SHISAL2A: variants seen among roughly 807,000 people sequenced by gnomAD.
SHISAL2A encodes protein shisa-like-2A.
Under a neutral mutation model 11.5 loss-of-function variants are expected in SHISAL2A, and 18 were observed. The ratio of observed to expected loss-of-function variants is 1.57; its 90% CI spans 1.08 to 2.33. SHISAL2A has a LOEUF of 2.33. Among genes scored for constraint, SHISAL2A ranks in the 30% most tolerant of loss-of-function variants. The probability of loss-of-function intolerance (pLI) is 0.00; values close to 1 mark genes in which losing one functional copy is unlikely to be tolerated. For synonymous variants in SHISAL2A, 94 were observed against 99.6 expected (o/e 0.94, Z 0.34); for missense variants, 261 against 250.9 (o/e 1.04, Z -0.27).
chr1:52,642,765 C>G (rs1691395622), intron 1 of SHISAL2A, 98 bp from the exon 2 acceptor site: 2 of 1,233,680 alleles, frequency 1.6e-6, no homozygotes, highest in East Asian at 2.4e-5. Context: ...CATTTTCTTC[C>G]CAGCAGGCTC....
At chr1:52,646,011 A>C (rs1691492772) in intron 2 of SHISAL2A, among the ~76,000 whole-genome samples, 1 of 152,228 alleles carries the variant, frequency 6.6e-6, no homozygotes. Context: ...TAAAAATATA[A>C]GTTTTGTGAT....
In SHISAL2A at chr1:52,633,517, C is replaced by T. The variant is rs1343858045; in HGVS notation, c.24C>T (p.Tyr8=). 1.3e-6 allele frequency: 2 copies of T among 1,575,998 alleles called. No individual in the cohort carries two copies. Among genetic ancestry groups the T allele is most frequent in the Non-Finnish European group, 1.7e-6 (2 of 1,164,546 alleles). MSGACTS[Y]VSAEQEVVRG... is the part of the protein sequence containing the mutation. ...CGATGAGCGGCGCCTGCACGAGCTA[C>T]GTGAGCGCAGAGCAGGAGGTGGTGC... The change falls in exon 1 of 3, where the codon TAC becomes TAT. Residue 8 remains tyrosine, a synonymous_variant. Transcript: ENST00000517870. This position sits in a 1 kb window ranked among gnomAD's most constrained non-coding sequence, Gnocchi z 6.4.
At chr1:52,667,995 C>T (rs1369208969) in intron 5 of SHISAL2A, among the ~76,000 whole-genome samples, 1 of 152,090 alleles carries the variant, frequency 6.6e-6, no homozygotes, top group Non-Finnish European at 1.5e-5. Context: ...ATGGTCACCC[C>T]GGGAGTAAAT....
intron 1 of SHISAL2A, among the ~76,000 whole-genome samples, chr1:52,638,613 G>A (rs1464115371): frequency 6.6e-6 from 1 of 152,180 alleles, no homozygotes; most frequent in Non-Finnish European, 1.5e-5. Context: ...CACTGGTAGA[G>A]GATAAGAAAG....
At chr1:52,646,124 G>A (rs1691495889) in intron 2 of SHISAL2A, among the ~76,000 whole-genome samples, 1 of 152,146 alleles carries the variant, frequency 6.6e-6, no homozygotes. Context: ...AAACATTTTT[G>A]GTTGTCACAT....
downstream of SHISAL2A, among the ~76,000 whole-genome samples, chr1:52,660,277 T>C (rs1331566351): frequency 1.3e-5 from 2 of 151,950 alleles, no homozygotes; most frequent in Middle Eastern, 3.4e-3. Flanking sequence ...ACATGCTGCT[T>C]TTGCTGACCT....
At chr1:52,644,221 G>A (rs1169249242) in intron 2 of SHISAL2A, among the ~76,000 whole-genome samples, 1 of 150,928 alleles carries the variant, frequency 6.6e-6, no homozygotes, top group Non-Finnish European at 1.5e-5. Context: ...TTTCAAACAG[G>A]GAAGGATACT....
chr1:52,657,035 C>G lies in SHISAL2A; in HGVS notation c.568C>G (p.Pro190Ala). 6.3e-7 allele frequency: 1 copy of G among 1,591,214 alleles called. No individual in the cohort carries two copies. The highest frequency in any genetic ancestry group is 1.3e-5 in the African/African-American group (1 of 74,242). The change falls in exon 3 of 3, where the codon CCA becomes GCA. Residue 190 changes from proline (P) to alanine (A), a missense_variant. Physicochemically the swap from Pro to Ala is conservative, Grantham distance 27. Coordinates refer to ENST00000517870, the MANE Select transcript of SHISAL2A (RefSeq NM_001042693.3). ...CAACCCTGACCTATGTGGACCAGTCCCATAAACATTCAATAAATGTCTCCA... is the reference window on the plus strand; with the variant it reads ...CAACCCTGACCTATGTGGACCAGTCGCATAAACATTCAATAAATGTCTCCA... ...VPNPDLCGPV[P>A]
At position 52,656,801 on chromosome 1, in the gene SHISAL2A, G is replaced by T. The variant is rs774402161; in HGVS notation, c.334G>T (p.Val112Phe). The T allele has an allele frequency of 1.9e-6, 3 of 1,609,840 alleles. No individual in the cohort carries two copies. In the African/African-American group the frequency reaches 4.0e-5, roughly 22 times the overall value. ...LSLQTAGPEE[V>F]SPDCQGVNTG... is the part of the protein sequence containing the mutation. ...TTGCTGTTTTCCAGGCCCTGAGGAG[G>T]TTTCTCCTGACTGCCAAGGTGTGAA... is the stretch of plus-strand genomic sequence containing the variant. The change falls in exon 3 of 3, where the codon GTT (valine) becomes TTT (phenylalanine). Residue 112 changes from valine (V) to phenylalanine (F), a missense_variant. Coordinates refer to ENST00000517870, the MANE Select transcript of SHISAL2A (RefSeq NM_001042693.3).
intron 1 of SHISAL2A, among the ~76,000 whole-genome samples, chr1:52,638,091 T>G (rs1286110666): frequency 6.6e-6 from 1 of 152,192 alleles, no homozygotes; most frequent in African/African-American, 2.4e-5. Flanking sequence ...CTTTGGAGCC[T>G]GCCCTGTTGT....
At chr1:52,658,350 CTT>C (rs1281362397), downstream of SHISAL2A, among the ~76,000 whole-genome samples, 1 of 152,156 alleles carries the variant, frequency 6.6e-6, no homozygotes, top group Non-Finnish European at 1.5e-5. Flanking sequence ...TGTTAAAAGA[CTT>C]TTTAAATGAC....
downstream of SHISAL2A, among the ~76,000 whole-genome samples, chr1:52,661,120 A>G (rs1400346839): frequency 6.6e-6 from 1 of 152,208 alleles, no homozygotes; most frequent in Admixed American, 6.5e-5. Flanking sequence ...GAATGGTGAA[A>G]GATGAAGCTG....
At chr1:52,642,769 C>A in intron 1 of SHISAL2A, 94 bp from the exon 2 acceptor site, 3 of 1,256,562 alleles carry the variant, frequency 2.4e-6, no homozygotes, top group South Asian at 1.3e-5. Flanking sequence ...TTCTTCCCAG[C>A]AGGCTCATTC....
downstream of SHISAL2A, among the ~76,000 whole-genome samples, chr1:52,661,811 A>G (rs977795809): frequency 6.6e-6 from 1 of 152,034 alleles, no homozygotes; most frequent in East Asian, 1.9e-4. Flanking sequence ...GAGGGCGGAT[A>G]ACCTGAGGTC....
In SHISAL2A at chr1:52,633,262, C is replaced by A; in HGVS notation, c.-232C>A. ...AGCCGTCACTCCCGCCGCCGGCCCC[C>A]GCCGCCCGCCCCGCCTGCCCCTACC... On this transcript the variant is annotated 5_prime_UTR_variant, in exon 1 of 3. Transcript: ENST00000517870. The surrounding 1 kb of genome is among the most constrained non-coding windows in gnomAD (Gnocchi z 6.4). 1 of 351,164 alleles carries A rather than the reference C, an allele frequency of 2.8e-6. No individual in the cohort carries two copies. The highest frequency in any genetic ancestry group is 2.1e-5 in the African/African-American group (1 of 46,872). The allele number at this position is 351,164 out of a possible 1,614,324, so 21.8% of individuals were successfully genotyped here.
chr1:52,655,783 GA>G (rs1421701958), intron 2 of SHISAL2A, among the ~76,000 whole-genome samples: 1 of 152,230 alleles, frequency 6.6e-6, no homozygotes, highest in Non-Finnish European at 1.5e-5. Flanking sequence ...AAAGCTTTCA[GA>G]AAGAATAGTA....
chr1:52,666,452 AAATT>A (rs895532906), intron 4 of SHISAL2A, among the ~76,000 whole-genome samples: 22 of 152,086 alleles, frequency 1.4e-4, no homozygotes, highest in East Asian at 5.8e-4. Flanking sequence ...ATTCTGTCTC[AAATT>A]AATTAATTAA....
At chr1:52,660,038 G>A (rs1205614779), downstream of SHISAL2A, among the ~76,000 whole-genome samples, 1 of 152,184 alleles carries the variant, frequency 6.6e-6, no homozygotes, top group Non-Finnish European at 1.5e-5. Flanking sequence ...TCCTACCCCA[G>A]TGTCTGACTC....
At chr1:52,650,047 C>T (rs977095210) in intron 2 of SHISAL2A, among the ~76,000 whole-genome samples, 1 of 152,208 alleles carries the variant, frequency 6.6e-6, no homozygotes, top group Non-Finnish European at 1.5e-5. Context: ...AGACCTTTCC[C>T]TGCAGCAGCT....
Sources: gnomAD v4.1 joint callset for allele counts (sites outside exome capture counted in the v4.1 genomes callset) on GRCh38, gnomAD v4.1.1 for gene constraint, Gnocchi (gnomAD v3.1) non-coding constraint, MANE v1.5 for transcripts, NCBI Gene and HGNC (gene_info 2026-07-23, HGNC 2026-07-21) for gene names.